HSP90AA1: variants seen among roughly 807,000 people sequenced by gnomAD.
The protein encoded by HSP90AA1 is heat shock protein HSP 90-alpha.
In HSP90AA1, 18 loss-of-function variants were observed where a neutral mutation model predicts 73.3. The ratio of observed to expected loss-of-function variants is 0.25; its 90% CI spans 0.17 to 0.36. HSP90AA1 has a LOEUF of 0.36. HSP90AA1 is among the 10% of genes least tolerant of loss of function. HSP90AA1 has a pLI of 1.00. For missense variants in HSP90AA1, 704 were observed against 874.2 expected, an observed-to-expected ratio of 0.81 and a Z score of 2.45; for synonymous variants, 477 against 296.9, an observed-to-expected ratio of 1.61 and a Z score of -6.24.
At position 102,084,917 on chromosome 14, in the gene HSP90AA1, C is replaced by T. The variant is rs368691420; in HGVS notation, c.745G>A (p.Glu249Lys). Residue 249 changes from glutamate to lysine, a missense_variant, in exon 5 of 11, where the codon GAG (glutamate) becomes AAG (lysine). Physicochemically the swap from Glu to Lys is moderately conservative, Grantham distance 56. Coordinates refer to ENST00000216281, the MANE Select transcript of HSP90AA1 (RefSeq NM_005348.4). ...TCAGGTTTGTCTTCCGACTCTTTCT[C>T]TTCTTTTTCTTTTTCTTCTTCTTTG... Reference protein sequence around the residue: ...EDKEEEKEKEEKESEDKPEIE... With the variant: ...EDKEEEKEKEKKESEDKPEIE... 5.1e-5 allele frequency: 81 copies of T among 1,585,038 alleles called. No homozygotes were observed. Among genetic ancestry groups the T allele is most frequent in the East Asian group, 2.7e-4 (12 of 44,742 alleles).
At chr14:102,110,454 CTG>C (rs1482080803) in intron 1 of HSP90AA1, among the ~76,000 whole-genome samples, 2 of 151,970 alleles carry the variant, frequency 1.3e-5, no homozygotes, top group Non-Finnish European at 2.9e-5. Flanking sequence ...GAGTTTCACT[CTG>C]TTGCCCAGGC....
At chr14:102,139,128 T>C (rs1333578833) in intron 1 of HSP90AA1, 1 of 1,213,940 alleles carries the variant, frequency 8.2e-7, no homozygotes, top group Non-Finnish European at 1.2e-6. Flanking sequence ...CCGCCAGTGC[T>C]CATCACACGC....
At chr14:102,124,512 C>A (rs926403463) in intron 1 of HSP90AA1, among the ~76,000 whole-genome samples, 2 of 151,936 alleles carry the variant, frequency 1.3e-5, no homozygotes, top group African/African-American at 4.8e-5. Context: ...CTTTTTAAAT[C>A]TGCTATATTA....
chr14:102,129,686 G>T (rs956994238), intron 1 of HSP90AA1, among the ~76,000 whole-genome samples: 1 of 151,802 alleles, frequency 6.6e-6, no homozygotes, highest in Non-Finnish European at 1.5e-5. Flanking sequence ...TATTTTTTTA[G>T]TAGAGACGAG....
intron 1 of HSP90AA1, among the ~76,000 whole-genome samples, chr14:102,138,555 T>C (rs2050098508): frequency 6.6e-6 from 1 of 152,184 alleles, no homozygotes. Flanking sequence ...TATTATCAAA[T>C]GTATTACTAC....
chr14:102,126,398 G>A (rs1454831412), intron 1 of HSP90AA1, among the ~76,000 whole-genome samples: 3 of 152,204 alleles, frequency 2.0e-5, no homozygotes, highest in Non-Finnish European at 2.9e-5. Flanking sequence ...AATTCAGTAT[G>A]TGTTGATTAT....
rs142036820 is a variant in HSP90AA1 at position 102,117,488 on chromosome 14, G to A, written c.156-15403C>T. 2.1e-3 allele frequency among the ~76,000 whole-genome samples: 321 copies of A among 150,908 alleles called. 1 individual carries two copies. The highest frequency in any genetic ancestry group is 3.4e-3 in the Middle Eastern group (1 of 294). ...GCTGCAGAGATGAGCTACCCTCCACGCTAGGAGCTAAACACTCCTCGGGAT... is the reference window on the plus strand; with the variant it reads ...GCTGCAGAGATGAGCTACCCTCCACACTAGGAGCTAAACACTCCTCGGGAT... On this transcript the variant is annotated intron_variant, in intron 1 of 11. Coordinates refer to the HSP90AA1 transcript ENST00000334701.
chr14:102,099,795 G>A (rs991373246), intron 2 of HSP90AA1, among the ~76,000 whole-genome samples: 1 of 152,156 alleles, frequency 6.6e-6, no homozygotes, highest in African/African-American at 2.4e-5. Context: ...ACTGCCCAGC[G>A]GCGGGTTTCC....
At chr14:102,121,613 C>T (rs995732447) in intron 1 of HSP90AA1, among the ~76,000 whole-genome samples, 2 of 152,164 alleles carry the variant, frequency 1.3e-5, no homozygotes, top group African/African-American at 4.8e-5. Flanking sequence ...AACATCTGTG[C>T]TAACACTATT....
intron 2 of HSP90AA1, among the ~76,000 whole-genome samples, chr14:102,096,750 A>G (rs1036485343): frequency 6.6e-6 from 1 of 152,096 alleles, no homozygotes; most frequent in African/African-American, 2.4e-5. Flanking sequence ...GCCGTGATAA[A>G]CCTTTGGCGC....
intron 1 of HSP90AA1, among the ~76,000 whole-genome samples, chr14:102,103,147 C>G (rs2049516287): frequency 7.1e-6 from 1 of 141,150 alleles, no homozygotes; most frequent in Admixed American, 7.4e-5. Context: ...TGCCAATATA[C>G]TCCAGCCTGG....
intron 10 of HSP90AA1, 28 bp from the exon 11 acceptor site, chr14:102,081,849 A>G (rs780608488): frequency 1.8e-6 from 2 of 1,088,226 alleles, no homozygotes; most frequent in Non-Finnish European, 1.4e-6. Context: ...TCCTCATATT[A>G]CAAAGATTTC....
At chr14:102,085,661 C>T in intron 3 of HSP90AA1, 97 bp downstream of exon 3, 1 of 1,571,696 alleles carries the variant, frequency 6.4e-7, no homozygotes, top group Non-Finnish European at 8.7e-7. Context: ...TGGGCAAACA[C>T]AAATTCTGTA....
chr14:102,089,755 T>C (rs979780937), upstream of HSP90AA1, among the ~76,000 whole-genome samples: 7 of 151,986 alleles, frequency 4.6e-5, no homozygotes, highest in African/African-American at 1.7e-4. Flanking sequence ...TATCCCACCT[T>C]AAAGAACCCC....
intron 1 of HSP90AA1, among the ~76,000 whole-genome samples, chr14:102,108,531 CTTTT>C (rs35612478): frequency 5.4e-5 from 7 of 130,772 alleles, no homozygotes; most frequent in Admixed American, 1.6e-4. Context: ...TAACTTATAA[CTTTT>C]TTTTTTTTTT....
chr14:102,092,173 A>G (rs1251501959), intron 2 of HSP90AA1, among the ~76,000 whole-genome samples: 2 of 151,834 alleles, frequency 1.3e-5, no homozygotes, highest in Admixed American at 6.6e-5. Context: ...GGTTCAAGCA[A>G]TTCTCATGCC....
At position 102,082,417 on chromosome 14, in the gene HSP90AA1, A is replaced by G; in HGVS notation, c.1783T>C (p.Ser595Pro). The G allele has an allele frequency of 6.2e-7, 1 of 1,613,254 alleles. No individual in the cohort carries two copies. Reference protein sequence around the residue: ...KVVVSNRLVTSPCCIVTSTYG... With the variant: ...KVVVSNRLVTPPCCIVTSTYG... ...GTGCTTGTGACAATACAGCATGGAGATGTCACCAATCGGTTTGACACAACC... is the reference window on the plus strand; with the variant it reads ...GTGCTTGTGACAATACAGCATGGAGGTGTCACCAATCGGTTTGACACAACC... Residue 595 changes from serine (S) to proline (P), a missense_variant, in exon 10 of 11, where the codon TCT (serine) becomes CCT (proline). Transcript: ENST00000216281.
intron 1 of HSP90AA1, among the ~76,000 whole-genome samples, chr14:102,117,948 G>A (rs941033243): frequency 1.2e-4 from 19 of 152,276 alleles, no homozygotes; most frequent in African/African-American, 2.9e-4. Context: ...AGCTGCTTGC[G>A]ATGTCCCTGG....
At chr14:102,093,194 T>G (rs544309065) in intron 2 of HSP90AA1, among the ~76,000 whole-genome samples, 4 of 146,802 alleles carry the variant, frequency 2.7e-5, no homozygotes, top group Non-Finnish European at 6.0e-5. Flanking sequence ...AAAAGTAAAT[T>G]AAAAAATATA....
Sources: allele counts gnomAD v4.1 joint callset (sites outside exome capture counted in the v4.1 genomes callset), GRCh38; gene constraint gnomAD v4.1.1; transcripts MANE v1.5; gene names NCBI Gene and HGNC (gene_info 2026-07-23, HGNC 2026-07-21).